The following TENM3 variants were observed in gnomAD, a reference collection of about 807,000 sequenced individuals.
TENM3 encodes teneurin transmembrane protein 3.
TENM3 carries 63 observed loss-of-function variants against 255.1 expected under a neutral mutation model. That is an observed-to-expected ratio of 0.25 (90% confidence interval 0.20 to 0.30). The LOEUF is 0.30. Among genes scored for constraint, TENM3 ranks in the 10% least tolerant of loss-of-function variants. The pLI is 1.00. For missense variants in TENM3, 2,929 were observed against 3,461.1 expected (o/e 0.85, Z 3.86); for synonymous variants, 1,306 against 1,322.3 (o/e 0.99, Z 0.27).
the TENM3 span, among the ~76,000 whole-genome samples, chr4:182,013,863 G>A: frequency 0.35 from 52,951 of 149,544 alleles, 9,630 homozygotes; most frequent in Non-Finnish European, 0.4. Context: ...AATGCTTTAT[G>A]TGCTATATGT....
rs780204367 is a variant in TENM3, at chr4:182,714,236, A to G, written c.2368+3A>G. 6.2e-7 allele frequency: 1 copy of G among 1,607,274 alleles called. No individual in the cohort carries two copies. The highest frequency in any genetic ancestry group is 8.5e-7 in the Non-Finnish European group (1 of 1,176,914). On this transcript the variant is annotated splice_donor_region_variant and intron_variant, in intron 13 of 27. Coordinates refer to ENST00000511685, the MANE Select transcript of TENM3 (RefSeq NM_001080477.4). Reference sequence around the variant, plus strand: ...AGATAGCAAGGACAATGAAGGAGGTAAGAAATACTGAGCATGAACACGAGT... The same window carrying G: ...AGATAGCAAGGACAATGAAGGAGGTGAGAAATACTGAGCATGAACACGAGT...
At chr4:182,133,572 T>G in the TENM3 span, among the ~76,000 whole-genome samples, 1 of 152,176 alleles carries the variant, frequency 6.6e-6, no homozygotes, top group African/African-American at 2.4e-5. Flanking sequence ...CAGCAAAAAT[T>G]TGTACACAGT....
intron 3 of TENM3, among the ~76,000 whole-genome samples, chr4:182,495,226 G>A (rs17073441): frequency 0.018 from 2,705 of 152,270 alleles, 79 homozygotes; most frequent in African/African-American, 0.061. Context: ...TCAGAGAGCC[G>A]TGAAGCTGCA....
the TENM3 span, among the ~76,000 whole-genome samples, chr4:181,717,741 T>C: frequency 6.6e-6 from 1 of 152,214 alleles, no homozygotes; most frequent in Non-Finnish European, 1.5e-5. Flanking sequence ...TTGCATCTGG[T>C]ATATCTCTGT....
chr4:181,927,640 C>A, the TENM3 span, among the ~76,000 whole-genome samples: 1 of 152,232 alleles, frequency 6.6e-6, no homozygotes, highest in Non-Finnish European at 1.5e-5. Flanking sequence ...CCGAAGAGAG[C>A]AGCAGCTCTC....
intron 6 of TENM3, among the ~76,000 whole-genome samples, chr4:182,655,806 A>G (rs1753698652): frequency 6.6e-6 from 1 of 152,232 alleles, no homozygotes; most frequent in African/African-American, 2.4e-5. Context: ...TAAGAAATAC[A>G]TGTTACATCA....
At chr4:182,326,321 G>T (rs1763404958) in intron 2 of TENM3, among the ~76,000 whole-genome samples, 1 of 152,108 alleles carries the variant, frequency 6.6e-6, no homozygotes, top group Admixed American at 6.5e-5. Flanking sequence ...GGTGGGTCCC[G>T]GTAGCGTAGT....
At chr4:181,678,966 C>G in the TENM3 span, among the ~76,000 whole-genome samples, 1 of 152,082 alleles carries the variant, frequency 6.6e-6, no homozygotes, top group Admixed American at 6.6e-5. Context: ...TAAACTTATT[C>G]CAACACGTCT....
intron 1 of TENM3, among the ~76,000 whole-genome samples, chr4:182,174,014 G>A (rs1752279766): frequency 6.6e-6 from 1 of 152,000 alleles, no homozygotes; most frequent in Non-Finnish European, 1.5e-5. Context: ...TCACTTTCTT[G>A]TAAGCCATAA....
intron 4 of TENM3, among the ~76,000 whole-genome samples, chr4:182,621,813 TA>T: frequency 1.2e-3 from 1 of 830 alleles, no homozygotes; most frequent in East Asian, 0.5. Context: ...ATATATATTA[TA>T]TATATATATA....
the TENM3 span, among the ~76,000 whole-genome samples, chr4:181,692,011 T>G: frequency 6.6e-6 from 1 of 152,204 alleles, no homozygotes; most frequent in East Asian, 1.9e-4. Context: ...CATTCCCTTG[T>G]TAATTCTGAC....
chr4:182,745,337 T>A (rs937404844), intron 19 of TENM3, among the ~76,000 whole-genome samples: 3 of 152,228 alleles, frequency 2.0e-5, no homozygotes, highest in Admixed American at 2.0e-4. Flanking sequence ...CGTGCAAAGC[T>A]CTGCTATTAG....
intron 12 of TENM3, among the ~76,000 whole-genome samples, chr4:182,699,336 T>C (rs1757673085): frequency 6.6e-6 from 1 of 152,252 alleles, no homozygotes; most frequent in Non-Finnish European, 1.5e-5. Context: ...ATAAGTTAGA[T>C]GTCATTGAAA....
chr4:182,512,406 A>G (rs1041771553), intron 3 of TENM3, among the ~76,000 whole-genome samples: 1 of 152,180 alleles, frequency 6.6e-6, no homozygotes, highest in Admixed American at 6.5e-5. Flanking sequence ...CCAGCATTAG[A>G]CTAAGGTTAG....
At chr4:181,724,207 A>G in the TENM3 span, among the ~76,000 whole-genome samples, 5 of 152,118 alleles carry the variant, frequency 3.3e-5, no homozygotes, top group Admixed American at 2.6e-4. Context: ...GTAAGAAATG[A>G]TTTGTTTTTC....
chr4:181,545,881 C>A, the TENM3 span, among the ~76,000 whole-genome samples: 1 of 152,192 alleles, frequency 6.6e-6, no homozygotes, highest in East Asian at 1.9e-4. Flanking sequence ...CTATTTTTCA[C>A]GTGTCTGCAG....
the TENM3 span, among the ~76,000 whole-genome samples, chr4:182,100,650 CAT>C: frequency 7.0e-4 from 25 of 35,464 alleles, 1 homozygote; most frequent in African/African-American, 1.6e-3. Flanking sequence ...TATATATACA[CAT>C]ATATACACAT....
At chr4:181,582,522 C>T in the TENM3 span, among the ~76,000 whole-genome samples, 2 of 152,008 alleles carry the variant, frequency 1.3e-5, no homozygotes, top group Non-Finnish European at 2.9e-5. Flanking sequence ...TGGCGGGCGC[C>T]TGTAATCCCA....
chr4:182,339,221 A>G (rs959653637), intron 2 of TENM3, among the ~76,000 whole-genome samples: 18 of 152,208 alleles, frequency 1.2e-4, no homozygotes, highest in Non-Finnish European at 1.5e-5. Context: ...AAAGTTTATT[A>G]CTTTTAAATA....
Sources: gnomAD v4.1 joint callset for allele counts (sites outside exome capture counted in the v4.1 genomes callset) on GRCh38, gnomAD v4.1.1 for gene constraint, MANE v1.5 for transcripts, NCBI Gene and HGNC (gene_info 2026-07-23, HGNC 2026-07-21) for gene names.